The following DNM3 variants were observed in gnomAD, a reference collection of about 807,000 sequenced individuals.
DNM3 encodes the protein dynamin 3.
A neutral mutation model predicts 101.6 loss-of-function variants in DNM3; 47 were observed. The ratio of observed to expected loss-of-function variants is 0.46; its 90% CI spans 0.37 to 0.59. DNM3 has a LOEUF of 0.59. DNM3 is among the 20% of genes least tolerant of loss of function. DNM3 has a pLI of 0.00. For synonymous variants in DNM3, 385 were observed against 387.9 expected, an observed-to-expected ratio of 0.99 and a Z score of 0.09; for missense variants, 849 against 1,085.7, an observed-to-expected ratio of 0.78 and a Z score of 3.06.
intron 10 of DNM3, 57 bp downstream of exon 10, chr1:172,048,807 A>G (rs1403560043): frequency 2.6e-6 from 4 of 1,562,986 alleles, no homozygotes; most frequent in East Asian, 4.5e-5. Context: ...AACATTCCCT[A>G]TCTCATTGCA....
At chr1:172,071,086 C>CATGT (rs1553362024) in intron 11 of DNM3, among the ~76,000 whole-genome samples, 3 of 65,084 alleles carry the variant, frequency 4.6e-5, no homozygotes, top group African/African-American at 1.5e-4. Context: ...CAAGACCCTG[C>CATGT]ATATATATAT....
intron 14 of DNM3, among the ~76,000 whole-genome samples, chr1:172,226,051 T>G (rs1035488163): frequency 6.6e-6 from 1 of 152,172 alleles, no homozygotes; most frequent in South Asian, 2.1e-4. Flanking sequence ...AAGTTTAGTT[T>G]CTAGTTTGTA....
intron 13 of DNM3, among the ~76,000 whole-genome samples, chr1:172,119,840 T>G (rs868854566): frequency 6.6e-6 from 1 of 152,192 alleles, no homozygotes; most frequent in East Asian, 1.9e-4. Context: ...TCGGGAGTCA[T>G]CTTCGACACC....
At chr1:172,121,748 G>A (rs1039947356) in intron 13 of DNM3, among the ~76,000 whole-genome samples, 1 of 152,180 alleles carries the variant, frequency 6.6e-6, no homozygotes, top group Non-Finnish European at 1.5e-5. Context: ...TTAGGTAGGG[G>A]TTGGGATTTA....
chr1:171,968,839 A>G (rs2043788059), intron 2 of DNM3, among the ~76,000 whole-genome samples: 1 of 152,202 alleles, frequency 6.6e-6, no homozygotes, highest in South Asian at 2.1e-4. Flanking sequence ...GTTGGAACAA[A>G]TGAGTGATTG....
intron 17 of DNM3, among the ~76,000 whole-genome samples, chr1:172,350,849 G>A (rs1394544458): frequency 6.6e-6 from 1 of 152,138 alleles, no homozygotes; most frequent in Non-Finnish European, 1.5e-5. Flanking sequence ...ATTCCCAACT[G>A]AAACAACATC....
At chr1:172,185,837 C>CATT (rs1183262371) in intron 14 of DNM3, among the ~76,000 whole-genome samples, 1 of 152,086 alleles carries the variant, frequency 6.6e-6, no homozygotes, top group African/African-American at 2.4e-5. Context: ...GTTCCACTGT[C>CATT]ATAATAAGCC....
At chr1:172,250,328 G>A (rs1361663598) in intron 14 of DNM3, among the ~76,000 whole-genome samples, 1 of 152,082 alleles carries the variant, frequency 6.6e-6, no homozygotes, top group East Asian at 1.9e-4. Context: ...GATGTATTTG[G>A]TTGAAACAGA....
chr1:172,187,715 C>T (rs1045989552), intron 14 of DNM3, among the ~76,000 whole-genome samples: 1 of 152,042 alleles, frequency 6.6e-6, no homozygotes, highest in East Asian at 1.9e-4. Flanking sequence ...CATCTTGTCC[C>T]TCAAAGATGG....
chr1:171,875,140 G>A (rs370211462), intron 1 of DNM3, among the ~76,000 whole-genome samples: 42 of 152,168 alleles, frequency 2.8e-4, no homozygotes, highest in African/African-American at 9.4e-4. Flanking sequence ...ATGAGTGCAT[G>A]TGTCTTTTTG....
At chr1:172,388,514 A>T in intron 19 of DNM3, 59 bp from the exon 20 acceptor site, 2 of 1,399,196 alleles carry the variant, frequency 1.4e-6, no homozygotes, top group Non-Finnish European at 2.0e-6. Flanking sequence ...AAACATTTTT[A>T]GAGATTAATT....
At chr1:172,033,518 C>T (rs2048759876) in intron 6 of DNM3, among the ~76,000 whole-genome samples, 1 of 152,018 alleles carries the variant, frequency 6.6e-6, no homozygotes, top group Non-Finnish European at 1.5e-5. Flanking sequence ...GAACAGTGAA[C>T]AGGGATATAC....
intron 17 of DNM3, among the ~76,000 whole-genome samples, chr1:172,366,957 C>T (rs1042279566): frequency 6.6e-6 from 1 of 151,754 alleles, no homozygotes; most frequent in African/African-American, 2.4e-5. Flanking sequence ...ATAGCTGAAA[C>T]CTTTGCGTGT....
chr1:172,362,203 TA>T (rs1175954305), intron 17 of DNM3, among the ~76,000 whole-genome samples: 1 of 151,942 alleles, frequency 6.6e-6, no homozygotes, highest in Non-Finnish European at 1.5e-5. Context: ...TGTAATACAT[TA>T]AAATACAGGG....
At chr1:172,400,681 G>T (rs2070414541) in intron 20 of DNM3, among the ~76,000 whole-genome samples, 1 of 152,042 alleles carries the variant, frequency 6.6e-6, no homozygotes. Flanking sequence ...GGAAAGTAAT[G>T]CTTTTTAGAA....
intron 14 of DNM3, among the ~76,000 whole-genome samples, chr1:172,221,331 TA>T: frequency 6.6e-6 from 1 of 152,254 alleles, no homozygotes; most frequent in South Asian, 2.1e-4. Context: ...TCATTAGCCC[TA>T]TGACTTCAGA....
chr1:171,950,088 T>C (rs990846018), intron 2 of DNM3, among the ~76,000 whole-genome samples: 4 of 151,744 alleles, frequency 2.6e-5, no homozygotes, highest in Non-Finnish European at 5.9e-5. Flanking sequence ...AAAGGAATTA[T>C]GTGCTCAATG....
chr1:171,896,756 G>A (rs944217934), intron 1 of DNM3, among the ~76,000 whole-genome samples: 5 of 152,042 alleles, frequency 3.3e-5, no homozygotes, highest in Non-Finnish European at 7.4e-5. Context: ...TGATAAAATA[G>A]TCATGTTAAA....
At chr1:172,065,583 T>G (rs1317648868) in intron 10 of DNM3, among the ~76,000 whole-genome samples, 1 of 152,192 alleles carries the variant, frequency 6.6e-6, no homozygotes, top group African/African-American at 2.4e-5. Context: ...GAGCTTTTTC[T>G]GGAGAATGTT....
Sources: gnomAD v4.1 joint callset for allele counts (sites outside exome capture counted in the v4.1 genomes callset) on GRCh38, gnomAD v4.1.1 for gene constraint, MANE v1.5 for transcripts, NCBI Gene and HGNC (gene_info 2026-07-23, HGNC 2026-07-21) for gene names.